LRRIQ3: variants seen among roughly 807,000 people sequenced by gnomAD.
The protein encoded by LRRIQ3 is leucine rich repeats and IQ motif containing 3.
In LRRIQ3, 75 loss-of-function variants were observed where a neutral mutation model predicts 59.3. The ratio of observed to expected loss-of-function variants is 1.26; its 90% CI spans 1.05 to 1.53. The LOEUF is 1.53. LRRIQ3 is among the 40% of genes most tolerant of loss of function. LRRIQ3 has a pLI of 0.00. For synonymous variants in LRRIQ3, 250 were observed against 231.3 expected, an observed-to-expected ratio of 1.08 and a Z score of -0.73; for missense variants, 831 against 710.0, an observed-to-expected ratio of 1.17 and a Z score of -1.94.
intron 4 of LRRIQ3, among the ~76,000 whole-genome samples, chr1:74,136,775 T>A (rs1311227905): frequency 6.6e-6 from 1 of 151,952 alleles, no homozygotes; most frequent in Non-Finnish European, 1.5e-5. Flanking sequence ...GCATTCTTCA[T>A]TCCTTCCACT....
At chr1:74,050,219 C>T (rs1654330264) in intron 6 of LRRIQ3, among the ~76,000 whole-genome samples, 1 of 151,836 alleles carries the variant, frequency 6.6e-6, no homozygotes, top group Non-Finnish European at 1.5e-5. Context: ...ACCACACCCA[C>T]CTTGCATACT....
At chr1:74,089,614 C>T (rs528594070) in intron 5 of LRRIQ3, among the ~76,000 whole-genome samples, 16 of 151,910 alleles carry the variant, frequency 1.1e-4, no homozygotes, top group African/African-American at 3.4e-4. Flanking sequence ...TGCATGATTC[C>T]GCTTATATTA....
At chr1:74,057,284 A>C in intron 6 of LRRIQ3, among the ~76,000 whole-genome samples, 1 of 152,120 alleles carries the variant, frequency 6.6e-6, no homozygotes, top group East Asian at 1.9e-4. Flanking sequence ...AATACAAGTT[A>C]CTATAGCTTT....
intron 4 of LRRIQ3, among the ~76,000 whole-genome samples, chr1:74,123,747 T>A (rs1379872187): frequency 1.3e-5 from 2 of 152,034 alleles, no homozygotes; most frequent in Admixed American, 1.3e-4. Flanking sequence ...TTGGCTATGG[T>A]GAATATTGCC....
rs184044887 is a variant in LRRIQ3 at position 74,112,597 on chromosome 1, T to C, written c.708-3044A>G. On this transcript the variant is annotated intron_variant, in intron 4 of 7. Coordinates refer to ENST00000354431, the MANE Select transcript of LRRIQ3 (RefSeq NM_001105659.2). ...ACAATCAACCAGCAATTAGTGGAGG[T>C]TGACACTGGGTTTGATACTAAAAAA... Among the ~76,000 whole-genome samples the C allele has an allele frequency of 1.2e-3, 186 of 152,100 alleles. 1 individual carries two copies. The highest frequency in any genetic ancestry group is 4.4e-3 in the African/African-American group (183 of 41,506).
intron 4 of LRRIQ3, among the ~76,000 whole-genome samples, chr1:74,123,391 T>C (rs1029012068): frequency 6.6e-6 from 1 of 152,008 alleles, no homozygotes; most frequent in African/African-American, 2.4e-5. Context: ...AAATACTAGA[T>C]CTTATTCATT....
chr1:74,095,610 T>A (rs1207602079), intron 5 of LRRIQ3, among the ~76,000 whole-genome samples: 1 of 152,162 alleles, frequency 6.6e-6, no homozygotes, highest in Non-Finnish European at 1.5e-5. Flanking sequence ...ACAGGAATTC[T>A]AGCTAATGAG....
intron 5 of LRRIQ3, among the ~76,000 whole-genome samples, chr1:74,085,049 G>T (rs767554976): frequency 2.0e-5 from 3 of 151,632 alleles, no homozygotes; most frequent in Non-Finnish European, 4.4e-5. Context: ...TAATGTTAAT[G>T]TATTTTCTTT....
Position 74,182,620 on chromosome 1 carries a change from A to G in LRRIQ3, c.491T>C (p.Ile164Thr). 1 of 1,609,368 alleles carries G rather than the reference A, an allele frequency of 6.2e-7. No homozygotes were observed. Among genetic ancestry groups the G allele is most frequent in the Non-Finnish European group, 8.5e-7 (1 of 1,177,412 alleles). Residue 164 changes from isoleucine to threonine, a missense_variant, in exon 3 of 8, where the codon ATA (isoleucine) becomes ACA (threonine). Ile to Thr is a moderately conservative substitution (Grantham distance 89). Coordinates refer to ENST00000354431, the MANE Select transcript of LRRIQ3 (RefSeq NM_001105659.2). ...TTCAGGAAGATGCCAGTTCTGAATT[A>G]TTTCTTCATCAGAAATCACATGATG... ...LDHHVISDEE[I>T]IQNWHLPERF...
At chr1:74,170,988 TA>T (rs1226247100) in intron 3 of LRRIQ3, among the ~76,000 whole-genome samples, 6 of 152,144 alleles carry the variant, frequency 3.9e-5, no homozygotes, top group African/African-American at 1.4e-4. Flanking sequence ...TATTAATGTA[TA>T]AAAATGTAAC....
chr1:74,063,151 C>CAAAAAA (rs201544968), intron 6 of LRRIQ3, among the ~76,000 whole-genome samples: 2 of 150,832 alleles, frequency 1.3e-5, no homozygotes, highest in African/African-American at 4.9e-5. Flanking sequence ...ACAACAACAA[C>CAAAAAA]AAAACGAGGA....
intron 4 of LRRIQ3, among the ~76,000 whole-genome samples, chr1:74,133,343 C>G (rs962400740): frequency 1.8e-4 from 27 of 152,026 alleles, no homozygotes; most frequent in East Asian, 1.9e-4. Flanking sequence ...ACCATTTGAC[C>G]CAGCCATCCC....
chr1:74,045,171 C>T (rs528204955), intron 6 of LRRIQ3, among the ~76,000 whole-genome samples: 1 of 152,100 alleles, frequency 6.6e-6, no homozygotes, highest in South Asian at 2.1e-4. Context: ...AAGAAAATTT[C>T]AGGCCACTAT....
At chr1:74,111,449 A>AGACCACATTTC (rs1207422668) in intron 4 of LRRIQ3, among the ~76,000 whole-genome samples, 1 of 152,036 alleles carries the variant, frequency 6.6e-6, no homozygotes, top group Non-Finnish European at 1.5e-5. Context: ...CACATTTGGC[A>AGACCACATTTC]TGTCTGAAAA....
chr1:74,123,935 C>G (rs920833143), intron 4 of LRRIQ3, among the ~76,000 whole-genome samples: 2 of 151,804 alleles, frequency 1.3e-5, no homozygotes, highest in Admixed American at 6.6e-5. Flanking sequence ...ATGCCAATGT[C>G]AAATTATACT....
chr1:74,124,469 C>T (rs555134235), intron 4 of LRRIQ3, among the ~76,000 whole-genome samples: 2 of 151,856 alleles, frequency 1.3e-5, no homozygotes, highest in Admixed American at 6.6e-5. Flanking sequence ...CCAACGTTTT[C>T]TTATAGTAGT....
intron 5 of LRRIQ3, among the ~76,000 whole-genome samples, chr1:74,084,788 T>A (rs1012818737): frequency 6.6e-6 from 1 of 151,814 alleles, no homozygotes; most frequent in African/African-American, 2.4e-5. Flanking sequence ...ATTTTAATTT[T>A]CTTTAATAAC....
chr1:74,042,028 T>C, intron 6 of LRRIQ3, 95 bp from the exon 7 acceptor site: 2 of 1,194,362 alleles, frequency 1.7e-6, no homozygotes, highest in Non-Finnish European at 2.2e-6. Flanking sequence ...TAAGAACCTT[T>C]TATTTACTTT....
At chr1:74,154,299 A>G (rs1648191301) in intron 4 of LRRIQ3, among the ~76,000 whole-genome samples, 1 of 146,032 alleles carries the variant, frequency 6.8e-6, no homozygotes, top group East Asian at 2.0e-4. Context: ...TACTTTTGTC[A>G]GGTGCTAAGA....
Sources: gnomAD v4.1 joint callset for allele counts (sites outside exome capture counted in the v4.1 genomes callset) on GRCh38, gnomAD v4.1.1 for gene constraint, MANE v1.5 for transcripts, NCBI Gene and HGNC (gene_info 2026-07-23, HGNC 2026-07-21) for gene names.